SPTBN4: variants seen among roughly 807,000 people sequenced by gnomAD.
SPTBN4 encodes spectrin beta, non-erythrocytic 4, also known as spectrin beta chain, non-erythrocytic 4.
SPTBN4 carries 96 observed loss-of-function variants against 277.8 expected under a neutral mutation model. The observed-to-expected ratio is 0.35, with a 90% CI of 0.29 to 0.41. SPTBN4 has a LOEUF of 0.41. Ranked by LOEUF, SPTBN4 falls within the 10% of genes least tolerant of loss-of-function variation. SPTBN4 has a pLI of 1.00. For missense variants in SPTBN4, 3,006 were observed against 3,595.7 expected (o/e 0.84, Z 4.19); for synonymous variants, 1,481 against 1,580.3 (o/e 0.94, Z 1.49).
intron 12 of SPTBN4, among the ~76,000 whole-genome samples, 153 bp from the exon 13 acceptor site, chr19:40,506,083 G>A (rs541909377): frequency 7.9e-5 from 12 of 152,348 alleles, no homozygotes; most frequent in Admixed American, 5.2e-4. Flanking sequence ...CACAGAGCTG[G>A]TAAGAGAGTC....
At chr19:40,527,212 T>C (rs1292242856) in intron 17 of SPTBN4, among the ~76,000 whole-genome samples, 1 of 152,168 alleles carries the variant, frequency 6.6e-6, no homozygotes, top group African/African-American at 2.4e-5. Flanking sequence ...CGTTTTTCTC[T>C]CCCTCCATCT....
intron 16 of SPTBN4, among the ~76,000 whole-genome samples, chr19:40,521,078 C>T (rs1292677346): frequency 6.6e-6 from 1 of 152,152 alleles, no homozygotes; most frequent in Non-Finnish European, 1.5e-5. Flanking sequence ...GCGCGAGCCA[C>T]CATGACCAGC....
At chr19:40,503,755 CCAGGGTCACA>C (rs2080289748) in intron 11 of SPTBN4, 65 bp from the exon 12 acceptor site, 2 of 1,473,874 alleles carry the variant, frequency 1.4e-6, no homozygotes, top group South Asian at 2.7e-5. Flanking sequence ...TGGGGAGTCC[CCAGGGTCACA>C]CAGGGTCAAG....
intron 6 of SPTBN4, 39 bp downstream of exon 6, chr19:40,495,016 G>A (rs763136270): frequency 4.3e-5 from 69 of 1,591,184 alleles, no homozygotes; most frequent in Non-Finnish European, 5.8e-5. Flanking sequence ...CTGCCCTTCA[G>A]CCCCCCATAT....
intron 27 of SPTBN4, among the ~76,000 whole-genome samples, chr19:40,564,092 C>T (rs187830077): frequency 7.9e-5 from 12 of 151,990 alleles, no homozygotes; most frequent in Admixed American, 5.9e-4. Context: ...CGGTGGCTCA[C>T]GCCTGTAATC....
chr19:40,473,132 C>T (rs1005601711), intron 2 of SPTBN4, among the ~76,000 whole-genome samples: 6 of 151,984 alleles, frequency 3.9e-5, no homozygotes, highest in African/African-American at 7.2e-5. Context: ...CTGCAATCTC[C>T]ACCTCACCGG....
chr19:40,569,649 T>A lies in SPTBN4; in HGVS notation c.6957-8T>A. 2 of 1,611,734 alleles carry A rather than the reference T, an allele frequency of 1.2e-6. No homozygotes were observed. Among genetic ancestry groups the A allele is most frequent in the Non-Finnish European group, 8.5e-7 (1 of 1,179,108 alleles). ...TTTCACTGGGTCTTTCTGTCCCCCA[T>A]CCCCCAGGAAGGCCACCCTGGCTGA... On this transcript the variant is annotated splice_region_variant and splice_polypyrimidine_tract_variant and intron_variant, in intron 31 of 35. Coordinates refer to ENST00000598249, the MANE Select transcript of SPTBN4 (RefSeq NM_020971.3).
At position 40,512,836 on chromosome 19, in the gene SPTBN4, G is replaced by A; in HGVS notation, c.2047G>A (p.Gly683Arg). 1 of 1,456,384 alleles carries A rather than the reference G, an allele frequency of 6.9e-7. No homozygotes were observed. Among genetic ancestry groups the A allele is most frequent in the South Asian group, 1.4e-5 (1 of 72,514 alleles). The allele number at this position is 1,456,384 out of a possible 1,614,324, so 90.2% of individuals were successfully genotyped here. Reference sequence around the variant, plus strand: ...TGCGGCGGGCGCAGCGGGCGCAGCGGGAACAGCGGGCGGCGCGCATGACCT... The same window carrying A: ...TGCGGCGGGCGCAGCGGGCGCAGCGAGAACAGCGGGCGGCGCGCATGACCT... ...GGAAGAAGAAGTAGGAHDLSS... is the reference protein window; with the variant it reads ...GGAAGAAGAARTAGGAHDLSS... Residue 683 changes from glycine to arginine, a missense_variant, in exon 14 of 36, where the codon GGA (glycine) becomes AGA (arginine). Gly to Arg is a moderately radical substitution (Grantham distance 125, BLOSUM62 -2). This residue lies in a region of SPTBN4 where 1,759 missense variants were observed against 2,061.5 expected (regional missense o/e 0.85). Coordinates refer to ENST00000598249, the MANE Select transcript of SPTBN4 (RefSeq NM_020971.3).
intron 15 of SPTBN4, among the ~76,000 whole-genome samples, chr19:40,518,537 A>G (rs1216826597): frequency 1.3e-5 from 2 of 151,824 alleles, no homozygotes; most frequent in African/African-American, 4.8e-5. Flanking sequence ...GGCTCCAGCA[A>G]TCCTCCCATC....
At position 40,515,812 on chromosome 19, in the gene SPTBN4, CAT is replaced by C; in HGVS notation, c.2903+365_2903+366del. Among the ~76,000 whole-genome samples the C allele has an allele frequency of 6.6e-6, 1 of 151,426 alleles. No individual in the cohort carries two copies. Among genetic ancestry groups the C allele is most frequent in the South Asian group, 2.1e-4 (1 of 4,808 alleles). On this transcript the variant is annotated intron_variant, in intron 15 of 35. Transcript: ENST00000598249. This position sits in a 1 kb window ranked among gnomAD's most constrained non-coding sequence, Gnocchi z 4.1. ...CTGAGATGGGTGGATCACTTGAGCT[CAT>C]GAATTCAAGACCAGCCTGGGCAACA...
intron 24 of SPTBN4, among the ~76,000 whole-genome samples, 167 bp from the exon 25 acceptor site, chr19:40,555,917 C>A (rs1269705312): frequency 6.7e-6 from 1 of 148,178 alleles, no homozygotes; most frequent in African/African-American, 2.5e-5. Context: ...ACCCTGTCTC[C>A]AAAAAAAAAG....
chr19:40,495,240 TACAC>T (rs1048904901), intron 6 of SPTBN4, among the ~76,000 whole-genome samples: 8 of 152,042 alleles, frequency 5.3e-5, no homozygotes, highest in Non-Finnish European at 8.8e-5. Context: ...CACAGATGCA[TACAC>T]ACACACAGAT....
At position 40,502,972 on chromosome 19, in the gene SPTBN4, G is replaced by A; in HGVS notation, c.1362+39G>A. 1 of 1,603,452 alleles carries A rather than the reference G, an allele frequency of 6.2e-7. No homozygotes were observed. The highest frequency in any genetic ancestry group is 8.5e-7 in the Non-Finnish European group (1 of 1,174,516). On this transcript the variant is annotated intron_variant, in intron 11 of 35. Coordinates refer to ENST00000598249, the MANE Select transcript of SPTBN4 (RefSeq NM_020971.3). The surrounding 1 kb of genome is among the most constrained non-coding windows in gnomAD (Gnocchi z 4.9). ...GGCTTGGCTCCAGGGTAAAGGGACG[G>A]AGGGCGGGGCTGATGGTCCTGGGAC...
chr19:40,471,019 G>A (rs1457211401), intron 1 of SPTBN4, among the ~76,000 whole-genome samples: 6 of 150,258 alleles, frequency 4.0e-5, no homozygotes, highest in African/African-American at 1.2e-4. Flanking sequence ...GCATGATCTC[G>A]GCTCACTGCA....
intron 33 of SPTBN4, 82 bp downstream of exon 33, chr19:40,570,810 G>A (rs2081148659): frequency 2.1e-6 from 3 of 1,444,364 alleles, no homozygotes; most frequent in Non-Finnish European, 2.8e-6. Flanking sequence ...TGAGGAGGGG[G>A]TGTGGCTCAA....
Position 40,570,421 on chromosome 19 carries a change from C to T in SPTBN4, c.7027-15C>T. 1.3e-6 allele frequency: 2 copies of T among 1,547,418 alleles called. No individual in the cohort carries two copies. Among genetic ancestry groups the T allele is most frequent in the Non-Finnish European group, 1.7e-6 (2 of 1,153,784 alleles). On this transcript the variant is annotated splice_polypyrimidine_tract_variant and intron_variant, in intron 32 of 35. Coordinates refer to ENST00000598249, the MANE Select transcript of SPTBN4 (RefSeq NM_020971.3). Reference sequence around the variant, plus strand: ...CTCCATGGACAGCACCCCTCTTCCCCCTCCCTTCACACAGCCGTCGCTGCC... The same window carrying T: ...CTCCATGGACAGCACCCCTCTTCCCTCTCCCTTCACACAGCCGTCGCTGCC...
chr19:40,503,612 G>A (rs1455985219), intron 11 of SPTBN4, among the ~76,000 whole-genome samples: 3 of 151,604 alleles, frequency 2.0e-5, no homozygotes, highest in African/African-American at 7.3e-5. Flanking sequence ...GGGTAACTGG[G>A]GAGGGTGGGG....
At chr19:40,558,789 G>C (rs1023830823) in intron 26 of SPTBN4, among the ~76,000 whole-genome samples, 24 of 151,836 alleles carry the variant, frequency 1.6e-4, no homozygotes, top group African/African-American at 5.8e-4. Context: ...TATATTTTTA[G>C]TAGAGACGGG....
chr19:40,566,973 T>TAAAAAAAAAAAAA lies in SPTBN4; in HGVS notation c.6336+624_6336+625insAAAAAAAAAAAAA, dbSNP rs113655225. Reference sequence around the variant, plus strand: ...CTCCATCTCAAAACAACAACAACAATAAAAAAAAAACAACAAAAAAAAACC... The same window carrying TAAAAAAAAAAAAA: ...CTCCATCTCAAAACAACAACAACAATAAAAAAAAAAAAAAAAAAAAAAACAACAAAAAAAAACC... On this transcript the variant is annotated intron_variant, in intron 30 of 35. Transcript: ENST00000598249. 1.4e-5 allele frequency: 3 copies of TAAAAAAAAAAAAA among 216,038 alleles called. 1 individual carries two copies. Among genetic ancestry groups the TAAAAAAAAAAAAA allele is most frequent in the African/African-American group, 6.0e-5 (2 of 33,192 alleles). 13.4% of individuals were successfully genotyped at this position (216,038 alleles called of 1,614,324 possible).
Sources: allele counts gnomAD v4.1 joint callset (sites outside exome capture counted in the v4.1 genomes callset), GRCh38; gene constraint gnomAD v4.1.1; regional missense constraint gnomAD v4.1.1; non-coding constraint Gnocchi (gnomAD v3.1); transcripts MANE v1.5; gene names NCBI Gene and HGNC (gene_info 2026-07-23, HGNC 2026-07-21).